The following SNX18 variants were observed in gnomAD, a reference collection of about 807,000 sequenced individuals.
The protein encoded by SNX18 is sorting nexin 18.
A neutral mutation model predicts 48.7 loss-of-function variants in SNX18; 35 were observed. The ratio of observed to expected loss-of-function variants is 0.72; its 90% CI spans 0.55 to 0.95. The LOEUF (loss-of-function observed/expected upper bound fraction) is 0.95, where lower values mean the gene tolerates loss of function less well. Ranked by LOEUF, SNX18 falls within the 40% of genes least tolerant of loss-of-function variation. The pLI, the probability that SNX18 is intolerant of heterozygous loss-of-function variation, is 0.00. For missense variants in SNX18, 824 were observed against 871.0 expected (o/e 0.95, Z 0.68); for synonymous variants, 492 against 384.7 (o/e 1.28, Z -3.26).
the SNX18 span, among the ~76,000 whole-genome samples, chr5:54,601,805 C>G: frequency 1.1e-4 from 17 of 152,250 alleles, no homozygotes; most frequent in East Asian, 5.8e-4. Context: ...TACGCTCCTT[C>G]TTCCTCATTT....
chr5:54,596,868 T>C, the SNX18 span, among the ~76,000 whole-genome samples: 3 of 152,210 alleles, frequency 2.0e-5, no homozygotes, highest in Non-Finnish European at 2.9e-5. Context: ...TGTACTTGGG[T>C]ATTGGTTAGT....
At chr5:54,556,262 A>G in the SNX18 span, among the ~76,000 whole-genome samples, 1 of 152,226 alleles carries the variant, frequency 6.6e-6, no homozygotes, top group African/African-American at 2.4e-5. Context: ...ATTACCTTGC[A>G]GTTCTGGAGG....
At chr5:54,596,133 C>A in the SNX18 span, among the ~76,000 whole-genome samples, 1 of 152,216 alleles carries the variant, frequency 6.6e-6, no homozygotes, top group African/African-American at 2.4e-5. Context: ...AGCATTGCTA[C>A]TGGAGAGAAC....
intron 1 of SNX18, chr5:54,519,943 A>C (rs1019551144): frequency 1.1e-6 from 1 of 908,960 alleles, no homozygotes; most frequent in Non-Finnish European, 1.7e-6. Context: ...TGAACACTGC[A>C]CTGTCACTTA....
the SNX18 span, among the ~76,000 whole-genome samples, chr5:54,590,422 C>T: frequency 6.6e-6 from 1 of 152,104 alleles, no homozygotes; most frequent in African/African-American, 2.4e-5. Flanking sequence ...TTTGTTAAAG[C>T]CTAAGTCAGA....
chr5:54,541,827 T>C (rs1179272834), intron 1 of SNX18, among the ~76,000 whole-genome samples: 1 of 152,246 alleles, frequency 6.6e-6, no homozygotes, highest in Non-Finnish European at 1.5e-5. Flanking sequence ...CATACTGCTT[T>C]ACGTTTAAGG....
the SNX18 span, among the ~76,000 whole-genome samples, chr5:54,602,230 G>A: frequency 6.6e-6 from 1 of 152,174 alleles, no homozygotes; most frequent in Non-Finnish European, 1.5e-5. Flanking sequence ...CTGAAGACCT[G>A]AGGCTGCCTA....
the SNX18 span, among the ~76,000 whole-genome samples, chr5:54,615,218 A>G: frequency 3.9e-5 from 6 of 152,166 alleles, no homozygotes; most frequent in Non-Finnish European, 5.9e-5. Context: ...TTGTCTCTCG[A>G]CTTCCAGATG....
chr5:54,621,822 C>G, the SNX18 span, among the ~76,000 whole-genome samples: 1 of 152,186 alleles, frequency 6.6e-6, no homozygotes, highest in Non-Finnish European at 1.5e-5. Context: ...CTAGTCAACC[C>G]TCCAATAAAA....
chr5:54,531,594 A>G (rs1762253316), intron 1 of SNX18, among the ~76,000 whole-genome samples: 2 of 152,204 alleles, frequency 1.3e-5, no homozygotes, highest in Admixed American at 1.3e-4. Flanking sequence ...TTAAAACTTG[A>G]TACAATTTTA....
At chr5:54,574,685 G>A in the SNX18 span, among the ~76,000 whole-genome samples, 1 of 152,162 alleles carries the variant, frequency 6.6e-6, no homozygotes, top group East Asian at 1.9e-4. Flanking sequence ...AAGGAAGGGG[G>A]TGTGAGAGAT....
chr5:54,571,321 G>T, the SNX18 span, among the ~76,000 whole-genome samples: 1 of 152,148 alleles, frequency 6.6e-6, no homozygotes, highest in Non-Finnish European at 1.5e-5. Context: ...TTCCAGGCTT[G>T]TTGGGTTTTT....
chr5:54,593,623 C>A, the SNX18 span, among the ~76,000 whole-genome samples: 1 of 152,286 alleles, frequency 6.6e-6, no homozygotes, highest in East Asian at 1.9e-4. Flanking sequence ...ACTTGGAACA[C>A]TTATATGACC....
At chr5:54,627,399 A>G in the SNX18 span, among the ~76,000 whole-genome samples, 1 of 152,240 alleles carries the variant, frequency 6.6e-6, no homozygotes, top group South Asian at 2.1e-4. Flanking sequence ...AGGCCCATCC[A>G]GTATTGCTGT....
Position 54,544,257 on chromosome 5 carries a change from A to G in SNX18, c.*825A>G, listed in dbSNP as rs1017308551. ...GCTTGGCGTGAAGATTTCAGCAAAC[A>G]TGTCTTACAACATGAGGAGGAGGAG... On this transcript the variant is annotated 3_prime_UTR_variant, in exon 2 of 2. Coordinates refer to ENST00000381410, the MANE Select transcript of SNX18 (RefSeq NM_001102575.2). 2.0e-5 allele frequency: 3 copies of G among 152,164 alleles called. No individual in the cohort carries two copies. Among genetic ancestry groups the G allele is most frequent in the Admixed American group, 6.6e-5 (1 of 15,264 alleles). 9.4% of individuals were successfully genotyped at this position (152,164 alleles called of 1,614,324 possible).
At chr5:54,570,875 AT>A in the SNX18 span, among the ~76,000 whole-genome samples, 2 of 152,232 alleles carry the variant, frequency 1.3e-5, no homozygotes, top group African/African-American at 4.8e-5. Flanking sequence ...GGCTTTAAGT[AT>A]TTTTAAATGA....
At chr5:54,574,635 A>T in the SNX18 span, among the ~76,000 whole-genome samples, 1 of 152,200 alleles carries the variant, frequency 6.6e-6, no homozygotes, top group Non-Finnish European at 1.5e-5. Flanking sequence ...ACCACAAGTG[A>T]CTTGAACACA....
At chr5:54,532,024 G>A (rs968395883) in intron 1 of SNX18, among the ~76,000 whole-genome samples, 5 of 152,188 alleles carry the variant, frequency 3.3e-5, no homozygotes, top group African/African-American at 7.2e-5. Flanking sequence ...CTGGCTCTGC[G>A]TGTGTGCTCT....
chr5:54,559,086 A>G, the SNX18 span, among the ~76,000 whole-genome samples: 1 of 152,206 alleles, frequency 6.6e-6, no homozygotes, highest in Non-Finnish European at 1.5e-5. Context: ...ATGCAAACAA[A>G]TGGAAAAACA....
Sources: allele counts gnomAD v4.1 joint callset (sites outside exome capture counted in the v4.1 genomes callset), GRCh38; gene constraint gnomAD v4.1.1; transcripts MANE v1.5; gene names NCBI Gene and HGNC (gene_info 2026-07-23, HGNC 2026-07-21).